SDHB: variants seen among roughly 807,000 people sequenced by gnomAD.
The protein encoded by SDHB is succinate dehydrogenase complex iron sulfur subunit B, also known as succinate dehydrogenase [ubiquinone] iron-sulfur subunit, mitochondrial.
SDHB carries 21 observed loss-of-function variants against 39.7 expected under a neutral mutation model. The ratio of observed to expected loss-of-function variants is 0.53; its 90% CI spans 0.37 to 0.76. SDHB has a LOEUF of 0.76. Among genes scored for constraint, SDHB ranks in the 30% least tolerant of loss-of-function variants. The pLI is 0.00. For synonymous variants in SDHB, 118 were observed against 117.0 expected (o/e 1.01, Z -0.06); for missense variants, 343 against 350.9 (o/e 0.98, Z 0.18).
intron 1 of SDHB, 113 bp from the exon 2 acceptor site, chr1:17,045,001 C>T (rs1264740168): frequency 1.2e-5 from 11 of 889,674 alleles, no homozygotes; most frequent in Non-Finnish European, 1.8e-5. Context: ...ATTACTGACA[C>T]ATAATCTTCT....
At chr1:17,028,561 T>G (rs1192737847) in intron 4 of SDHB, 39 bp downstream of exon 4, 1 of 1,610,658 alleles carries the variant, frequency 6.2e-7, no homozygotes, top group African/African-American at 1.3e-5. Flanking sequence ...CTGCCCCCCA[T>G]GCAAATAAAA....
At chr1:17,048,698 T>C (rs1381204121) in intron 1 of SDHB, among the ~76,000 whole-genome samples, 1 of 152,092 alleles carries the variant, frequency 6.6e-6, no homozygotes, top group Non-Finnish European at 1.5e-5. Flanking sequence ...TTCATTTATT[T>C]TTTAAAATAT....
chr1:17,053,705 C>A lies in SDHB; in HGVS notation c.72+243G>T, dbSNP rs542235350. ...TCAAGTCCCCTTTCTGAACGTCCCCCCCCCCCGCACCCTTAGCTGTAAAAA... is the reference window on the plus strand; with the variant it reads ...TCAAGTCCCCTTTCTGAACGTCCCCACCCCCCGCACCCTTAGCTGTAAAAA... On this transcript the variant is annotated intron_variant, in intron 1 of 7. Coordinates refer to ENST00000375499, the MANE Select transcript of SDHB (RefSeq NM_003000.3). Among the ~76,000 whole-genome samples, 6 of 151,882 alleles carry A rather than the reference C, an allele frequency of 4.0e-5. No individual in the cohort carries two copies. In the South Asian group the frequency reaches 8.4e-4, roughly 21 times the overall value.
chr1:17,035,155 C>A (rs187423633), intron 2 of SDHB, among the ~76,000 whole-genome samples: 1 of 152,112 alleles, frequency 6.6e-6, no homozygotes, highest in Non-Finnish European at 1.5e-5. Flanking sequence ...ATTTTGGTAA[C>A]AGAATTTTAA....
At chr1:17,022,778 G>C (rs767433861) in intron 6 of SDHB, 48 bp from the exon 7 acceptor site, 2 of 1,592,088 alleles carry the variant, frequency 1.3e-6, no homozygotes, top group Admixed American at 3.5e-5. Flanking sequence ...ACAGGCCAGA[G>C]CGGCACCCTG....
chr1:17,044,878 C>G lies in SDHB; in HGVS notation c.83G>C (p.Gly28Ala), dbSNP rs2101541615. ...LGGACLQASRGAQTAAATAPR... is the reference protein window; with the variant it reads ...LGGACLQASRAAQTAAATAPR... ...AGCTGTGGCTGCAGCTGTCTGGGCT[C>G]CTCGGGAGGCCTGAAATTTTTTAAA... Residue 28 changes from glycine (G) to alanine (A), a missense_variant, in exon 2 of 8, where the codon GGA becomes GCA. By Grantham distance (60) the Gly-to-Ala change is moderately conservative. Coordinates refer to ENST00000375499, the MANE Select transcript of SDHB (RefSeq NM_003000.3). 8 of 1,613,646 alleles carry G rather than the reference C, an allele frequency of 5.0e-6. No homozygotes were observed. The highest frequency in any genetic ancestry group is 6.8e-6 in the Non-Finnish European group (8 of 1,179,948).
chr1:17,020,413 C>T (rs2077955046), intron 7 of SDHB, among the ~76,000 whole-genome samples: 2 of 152,218 alleles, frequency 1.3e-5, no homozygotes, highest in Admixed American at 1.3e-4. Context: ...AAGTCCCTTC[C>T]AGTTTCATGA....
chr1:17,042,524 T>C (rs1418678313), intron 2 of SDHB, among the ~76,000 whole-genome samples: 1 of 152,180 alleles, frequency 6.6e-6, no homozygotes, highest in East Asian at 1.9e-4. Context: ...ATGCCTGTAA[T>C]CCTAGGACTT....
chr1:17,031,632 T>G (rs2078023253), intron 3 of SDHB, among the ~76,000 whole-genome samples: 2 of 152,226 alleles, frequency 1.3e-5, no homozygotes, highest in Admixed American at 6.5e-5. Flanking sequence ...TAAATAAGAT[T>G]AGCTGAATCA....
At chr1:17,047,877 C>T (rs1343783192) in intron 1 of SDHB, among the ~76,000 whole-genome samples, 1 of 152,092 alleles carries the variant, frequency 6.6e-6, no homozygotes, top group East Asian at 1.9e-4. Context: ...ATAGGGGTCT[C>T]ACTGTGTTGC....
intron 1 of SDHB, among the ~76,000 whole-genome samples, chr1:17,048,760 G>A (rs1017060575): frequency 1.3e-5 from 2 of 151,970 alleles, no homozygotes; most frequent in Non-Finnish European, 2.9e-5. Flanking sequence ...CCCCAGGCTG[G>A]AGTACAATGG....
intron 5 of SDHB, among the ~76,000 whole-genome samples, chr1:17,025,757 A>T (rs2077988642): frequency 6.6e-6 from 1 of 152,250 alleles, no homozygotes; most frequent in African/African-American, 2.4e-5. Context: ...CAGCATACTA[A>T]TTTAAGGAAG....
At chr1:17,029,350 T>A (rs1272648641) in intron 3 of SDHB, among the ~76,000 whole-genome samples, 1 of 151,924 alleles carries the variant, frequency 6.6e-6, no homozygotes, top group Non-Finnish European at 1.5e-5. Context: ...CTTGAACTGC[T>A]GGGCTCAAGT....
At chr1:17,023,459 C>A (rs866672694) in intron 6 of SDHB, among the ~76,000 whole-genome samples, 2 of 152,190 alleles carry the variant, frequency 1.3e-5, no homozygotes, top group African/African-American at 4.8e-5. Context: ...GTGAAAAGCA[C>A]GTATCTAAAA....
rs200021702 is a variant in SDHB at position 17,028,671 on chromosome 1, C to T, written c.352G>A (p.Asp118Asn). Residue 118 changes from aspartate to asparagine, a missense_variant, in exon 4 of 8, where the codon GAC (aspartate) becomes AAC (asparagine). By Grantham distance (23) the Asp-to-Asn change is conservative (BLOSUM62 1). Transcript: ENST00000375499. ...TTTGAGACCTTATTGAGGTTGGTGT[C>T]AATCCTTCGGGTGCAAGCTAGAGTG... ...GNTLACTRRIDTNLNKVSKIY... is the reference protein window; with the variant it reads ...GNTLACTRRINTNLNKVSKIY... The T allele has an allele frequency of 7.4e-6, 12 of 1,614,156 alleles. No homozygotes were observed. In the East Asian group the frequency reaches 2.0e-4, roughly 27 times the overall value.
chr1:17,021,478 C>G (rs1334931487), intron 7 of SDHB, among the ~76,000 whole-genome samples: 1 of 151,978 alleles, frequency 6.6e-6, no homozygotes, highest in Non-Finnish European at 1.5e-5. Flanking sequence ...GTCGCGGTGG[C>G]TCACGCCTGT....
chr1:17,044,344 A>C (rs899286890), intron 2 of SDHB, among the ~76,000 whole-genome samples: 1 of 135,428 alleles, frequency 7.4e-6, no homozygotes, highest in African/African-American at 2.8e-5. Flanking sequence ...TTTTTTTTGG[A>C]GACAGAGTCT....
At chr1:17,026,094 CTAA>C (rs1188956994) in intron 5 of SDHB, among the ~76,000 whole-genome samples, 1 of 152,238 alleles carries the variant, frequency 6.6e-6, no homozygotes, top group Non-Finnish European at 1.5e-5. Context: ...TCTTCAATCC[CTAA>C]TAATACCACA....
At chr1:17,053,870 T>C in intron 1 of SDHB, 78 bp downstream of exon 1, 1 of 1,066,642 alleles carries the variant, frequency 9.4e-7, no homozygotes, top group Non-Finnish European at 1.4e-6. Context: ...GCTTCCTCAG[T>C]CTCTCCGCAG....
Sources: allele counts gnomAD v4.1 joint callset (sites outside exome capture counted in the v4.1 genomes callset), GRCh38; gene constraint gnomAD v4.1.1; transcripts MANE v1.5; gene names NCBI Gene and HGNC (gene_info 2026-07-23, HGNC 2026-07-21).